DHRSX: variants seen among roughly 807,000 people sequenced by gnomAD.
The protein encoded by DHRSX is dehydrogenase/reductase X-linked.
DHRSX carries 31 observed loss-of-function variants against 34.0 expected under a neutral mutation model. The observed-to-expected ratio is 0.91, with a 90% CI of 0.69 to 1.23. The LOEUF is 1.23. DHRSX is among the 50% of genes most tolerant of loss of function. The pLI, the probability that DHRSX is intolerant of heterozygous loss-of-function variation, is 0.00. For synonymous variants in DHRSX, 201 were observed against 183.8 expected (o/e 1.09, Z -0.76); for missense variants, 414 against 428.1 (o/e 0.97, Z 0.29).
intron 3 of DHRSX, among the ~76,000 whole-genome samples, chrX:2,349,682 G>A (rs2042763500): frequency 6.7e-6 from 1 of 148,758 alleles, no homozygotes; most frequent in African/African-American, 2.5e-5. Flanking sequence ...GTGACACTCA[G>A]TCTCAAAGAA....
chrX:2,468,490 CG>C (rs1411958759), intron 1 of DHRSX, among the ~76,000 whole-genome samples: 2 of 127,232 alleles, frequency 1.6e-5, no homozygotes, highest in South Asian at 3.1e-4. Context: ...TACACAGACA[CG>C]GACACTCAGA....
rs189253269 is a variant in DHRSX at position 2,258,184 on chromosome X, T to C, written c.596+8556A>G. ...GTGGGAGAATCAATGTCTGCTGTTA[T>C]AAGCTACACAGTCTATGGTATTCTG... is the stretch of plus-strand genomic sequence containing the variant. On this transcript the variant is annotated intron_variant, in intron 5 of 6. Coordinates refer to ENST00000334651, the MANE Select transcript of DHRSX (RefSeq NM_145177.3). 4.9e-3 allele frequency among the ~76,000 whole-genome samples: 729 copies of C among 149,418 alleles called. 7 individuals carry two copies. The highest frequency in any genetic ancestry group is 0.017 in the African/African-American group (684 of 40,590).
chrX:2,397,718 G>A (rs893793154), intron 3 of DHRSX, among the ~76,000 whole-genome samples: 3 of 151,944 alleles, frequency 2.0e-5, no homozygotes, highest in Non-Finnish European at 4.4e-5. Flanking sequence ...AAACCCACTC[G>A]ATAATCTTTT....
intron 6 of DHRSX, among the ~76,000 whole-genome samples, chrX:2,231,016 C>T (rs748901558): frequency 6.6e-6 from 1 of 152,158 alleles, no homozygotes; most frequent in Non-Finnish European, 1.5e-5. Flanking sequence ...TGGCTCATCT[C>T]TTAGCTTGAG....
At chrX:2,409,968 G>T (rs959822576) in intron 2 of DHRSX, among the ~76,000 whole-genome samples, 2 of 152,128 alleles carry the variant, frequency 1.3e-5, no homozygotes, top group African/African-American at 4.8e-5. Flanking sequence ...CTGATCTCAG[G>T]TGATCCTCCC....
intron 2 of DHRSX, 70 bp from the exon 3 acceptor site, chrX:2,408,883 A>T (rs1175621225): frequency 4.5e-6 from 6 of 1,320,266 alleles, no homozygotes; most frequent in Non-Finnish European, 6.3e-6. Context: ...CTGCAAAAAA[A>T]AAAAGAGGTT....
At chrX:2,403,802 G>A (rs943411712) in intron 3 of DHRSX, among the ~76,000 whole-genome samples, 14 of 146,394 alleles carry the variant, frequency 9.6e-5, no homozygotes, top group African/African-American at 3.1e-4. Flanking sequence ...GTTGCAGTGA[G>A]CCGAGATCAC....
In DHRSX at chrX:2,402,034, G is replaced by C. The variant is rs188765615; in HGVS notation, c.286+6711C>G. On this transcript the variant is annotated intron_variant, in intron 3 of 6. Coordinates refer to ENST00000334651, the MANE Select transcript of DHRSX (RefSeq NM_145177.3). ...AAAGTACAACAAAGTACGCAGGCCA[G>C]AGTATTAACCCAAGAACTAAGGAGA... is the stretch of plus-strand genomic sequence containing the variant. 3.9e-5 allele frequency among the ~76,000 whole-genome samples: 6 copies of C among 152,340 alleles called. No individual in the cohort carries two copies. In the East Asian group the frequency reaches 9.6e-4, roughly 24 times the overall value.
intron 3 of DHRSX, among the ~76,000 whole-genome samples, chrX:2,293,536 G>A (rs1299765253): frequency 1.3e-5 from 2 of 152,154 alleles, no homozygotes; most frequent in East Asian, 3.9e-4. Flanking sequence ...CACTGCCAGT[G>A]AGTTCTGAAA....
At chrX:2,486,385 C>T (rs1326467729) in intron 1 of DHRSX, 1 of 152,158 alleles carries the variant, frequency 6.6e-6, no homozygotes, top group Admixed American at 6.5e-5. Flanking sequence ...GGGGTTCAGA[C>T]AAACTGCAGT....
At chrX:2,292,880 A>G (rs1021880267) in intron 3 of DHRSX, among the ~76,000 whole-genome samples, 17 of 152,332 alleles carry the variant, frequency 1.1e-4, no homozygotes, top group African/African-American at 4.1e-4. Flanking sequence ...TAACTAATAC[A>G]CAAAATGACT....
At chrX:2,231,964 T>C (rs1161105772) in intron 6 of DHRSX, among the ~76,000 whole-genome samples, 1 of 48,628 alleles carries the variant, frequency 2.1e-5, no homozygotes, top group Non-Finnish European at 4.2e-5. Context: ...CTTTTCTTTC[T>C]GCCCTTCTTT....
intron 1 of DHRSX, among the ~76,000 whole-genome samples, chrX:2,474,247 G>A (rs2044638386): frequency 2.0e-5 from 3 of 151,926 alleles, no homozygotes; most frequent in Admixed American, 2.0e-4. Flanking sequence ...CACTGAAGAG[G>A]TTCCCAAAGC....
intron 3 of DHRSX, among the ~76,000 whole-genome samples, chrX:2,380,339 G>A (rs1322999520): frequency 1.4e-5 from 2 of 139,494 alleles, no homozygotes; most frequent in Non-Finnish European, 3.1e-5. Context: ...CTGCATTGCA[G>A]GATGAGATGT....
intron 1 of DHRSX, among the ~76,000 whole-genome samples, chrX:2,429,741 C>T: frequency 6.6e-6 from 1 of 152,014 alleles, no homozygotes; most frequent in East Asian, 1.9e-4. Context: ...AGGAGTGCAC[C>T]CTGTCATTTA....
At chrX:2,451,725 C>A (rs1384166337) in intron 1 of DHRSX, among the ~76,000 whole-genome samples, 2 of 152,178 alleles carry the variant, frequency 1.3e-5, no homozygotes, top group Non-Finnish European at 2.9e-5. Context: ...AGTGAAGAAA[C>A]AAAAGCAGCT....
intron 2 of DHRSX, among the ~76,000 whole-genome samples, chrX:2,409,869 A>G (rs2043604435): frequency 1.3e-5 from 2 of 151,994 alleles, no homozygotes; most frequent in Non-Finnish European, 2.9e-5. Flanking sequence ...AGCTGGGATT[A>G]GAGGTGACTG....
chrX:2,456,118 G>A (rs369808844), intron 1 of DHRSX, among the ~76,000 whole-genome samples: 1 of 152,150 alleles, frequency 6.6e-6, no homozygotes, highest in Non-Finnish European at 1.5e-5. Flanking sequence ...CTCAGGAACA[G>A]GGCACAGTCA....
chrX:2,449,788 G>C (rs6641711), intron 1 of DHRSX, among the ~76,000 whole-genome samples: 9,636 of 152,140 alleles, frequency 0.063, 415 homozygotes, highest in Non-Finnish European at 0.085. Context: ...TGAGTAGCTG[G>C]GAATATAAGC....
Sources: allele counts gnomAD v4.1 joint callset (sites outside exome capture counted in the v4.1 genomes callset), GRCh38; gene constraint gnomAD v4.1.1; transcripts MANE v1.5; gene names NCBI Gene and HGNC (gene_info 2026-07-23, HGNC 2026-07-21).